The following NRXN1 variants were observed in gnomAD, a reference collection of about 807,000 sequenced individuals.
NRXN1 encodes the protein neurexin-1.
In NRXN1, 39 loss-of-function variants were observed where a neutral mutation model predicts 150.9. That is an observed-to-expected ratio of 0.26 (90% CI 0.20 to 0.34). The LOEUF is 0.34. NRXN1 is among the 10% of genes least tolerant of loss of function. NRXN1 has a pLI of 1.00. For synonymous variants in NRXN1, 924 were observed against 757.0 expected (o/e 1.22, Z -3.62); for missense variants, 1,815 against 1,949.9 (o/e 0.93, Z 1.30).
At chr2:50,568,583 G>A (rs1361183951) in intron 8 of NRXN1, among the ~76,000 whole-genome samples, 2 of 152,062 alleles carry the variant, frequency 1.3e-5, no homozygotes, top group Admixed American at 1.3e-4. Context: ...AATCAAAACT[G>A]CAATGAGATA....
At chr2:50,866,391 T>C (rs187733535) in intron 5 of NRXN1, among the ~76,000 whole-genome samples, 1 of 152,076 alleles carries the variant, frequency 6.6e-6, no homozygotes, top group African/African-American at 2.4e-5. Flanking sequence ...AATTGATTAA[T>C]TGTTATTATC....
At chr2:50,505,311 G>A (rs534544660) in intron 13 of NRXN1, among the ~76,000 whole-genome samples, 118 of 152,232 alleles carry the variant, frequency 7.8e-4, no homozygotes, top group African/African-American at 2.8e-3. Context: ...TCCTCTTCGA[G>A]TGCCACTTAC....
chr2:50,785,538 G>A lies in NRXN1; in HGVS notation c.832+136331C>T, dbSNP rs534953713. On this transcript the variant is annotated intron_variant, in intron 5 of 22. Transcript: ENST00000401669. ...GCTGGGATTACAGGCATGAGCCACCGTGCCCAGCCCCACACTTCTGTATTT... is the reference window on the plus strand; with the variant it reads ...GCTGGGATTACAGGCATGAGCCACCATGCCCAGCCCCACACTTCTGTATTT... 9.9e-5 allele frequency among the ~76,000 whole-genome samples: 15 copies of A among 152,148 alleles called. No homozygotes were observed. In the South Asian group the frequency reaches 1.5e-3, roughly 15 times the overall value.
At chr2:49,964,319 G>A (rs548773875) in intron 21 of NRXN1, among the ~76,000 whole-genome samples, 12 of 152,130 alleles carry the variant, frequency 7.9e-5, no homozygotes, top group South Asian at 2.1e-4. Flanking sequence ...GGTGGCTCAT[G>A]CTGTAATCCC....
chr2:50,123,190 G>T (rs539950265), intron 18 of NRXN1, among the ~76,000 whole-genome samples: 1 of 152,230 alleles, frequency 6.6e-6, no homozygotes, highest in South Asian at 2.1e-4. Context: ...TGGAGGAACA[G>T]AAAATAACTT....
chr2:50,704,791 A>C (rs180967640), intron 5 of NRXN1, among the ~76,000 whole-genome samples: 1 of 151,940 alleles, frequency 6.6e-6, no homozygotes, highest in South Asian at 2.1e-4. Flanking sequence ...GAAAGAAATA[A>C]GAAAATATTG....
At chr2:50,815,243 C>T (rs549994777) in intron 5 of NRXN1, among the ~76,000 whole-genome samples, 13 of 152,150 alleles carry the variant, frequency 8.5e-5, no homozygotes, top group South Asian at 2.1e-4. Context: ...AGACAGACAC[C>T]GATCTCCAGT....
chr2:50,284,363 TC>T (rs1306066525), intron 17 of NRXN1, among the ~76,000 whole-genome samples: 1 of 152,302 alleles, frequency 6.6e-6, no homozygotes, highest in East Asian at 1.9e-4. Flanking sequence ...CAAATGATGT[TC>T]CCCTATGGAG....
intron 17 of NRXN1, among the ~76,000 whole-genome samples, chr2:50,278,242 A>ATATATATATATTATATATAT (rs1558436711): frequency 5.4e-4 from 64 of 118,254 alleles, no homozygotes; most frequent in African/African-American, 2.0e-3. Context: ...TATATATATA[A>ATATATATATATTATATATAT]TATATATATA....
At chr2:50,215,766 G>C (rs556652732) in intron 18 of NRXN1, among the ~76,000 whole-genome samples, 1 of 152,124 alleles carries the variant, frequency 6.6e-6, no homozygotes, top group South Asian at 2.1e-4. Flanking sequence ...AGGAATTATT[G>C]TTAAATAGTC....
At chr2:49,970,912 G>A (rs2152495225) in intron 21 of NRXN1, among the ~76,000 whole-genome samples, 1 of 152,114 alleles carries the variant, frequency 6.6e-6, no homozygotes, top group Non-Finnish European at 1.5e-5. Flanking sequence ...GGAGGTAAAA[G>A]AGAAGACTAA....
intron 17 of NRXN1, among the ~76,000 whole-genome samples, chr2:50,267,467 A>G (rs2069032877): frequency 6.6e-6 from 1 of 152,192 alleles, no homozygotes; most frequent in Non-Finnish European, 1.5e-5. Flanking sequence ...TGAGCCATAA[A>G]CATCCTGAAG....
intron 21 of NRXN1, among the ~76,000 whole-genome samples, chr2:49,991,708 T>G (rs1681994366): frequency 6.6e-6 from 1 of 152,172 alleles, no homozygotes; most frequent in Non-Finnish European, 1.5e-5. Context: ...ATCAAAATCC[T>G]GGCAAGTTAT....
intron 8 of NRXN1, among the ~76,000 whole-genome samples, chr2:50,570,155 G>T (rs1197067313): frequency 6.6e-6 from 1 of 152,070 alleles, no homozygotes. Flanking sequence ...CAATATCAAA[G>T]CAGGAATGTC....
Position 50,604,354 on chromosome 2 carries a change from T to C in NRXN1, c.1320+15668A>G, listed in dbSNP as rs1477140703. Among the ~76,000 whole-genome samples, 4 of 152,212 alleles carry C rather than the reference T, an allele frequency of 2.6e-5. No individual in the cohort carries two copies. In the East Asian group the frequency reaches 7.7e-4, roughly 29 times the overall value. Reference sequence around the variant, plus strand: ...TGCAGTTTAATAAGCTCTCAGATGATGCTTATGCACAAAACTCTGAACCAC... The same window carrying C: ...TGCAGTTTAATAAGCTCTCAGATGACGCTTATGCACAAAACTCTGAACCAC... On this transcript the variant is annotated intron_variant, in intron 8 of 22. Coordinates refer to ENST00000401669, the MANE Select transcript of NRXN1 (RefSeq NM_001330078.2).
Position 50,860,551 on chromosome 2 carries a change from G to A in NRXN1, c.832+61318C>T, listed in dbSNP as rs181094974. Among the ~76,000 whole-genome samples the A allele has an allele frequency of 1.1e-3, 167 of 152,150 alleles. 1 individual carries two copies. The highest frequency in any genetic ancestry group is 3.5e-3 in the African/African-American group (146 of 41,540). The stretch of plus-strand genomic sequence containing the variant: ...AGGCACAGATCTGGAATTTGTATAG[G>A]GCATGTGGGCACTTGGGAAGAGGAC... On this transcript the variant is annotated intron_variant, in intron 5 of 22. Transcript: ENST00000401669.
chr2:50,178,023 A>T (rs938985758), intron 18 of NRXN1, among the ~76,000 whole-genome samples: 4 of 152,100 alleles, frequency 2.6e-5, no homozygotes, highest in Non-Finnish European at 5.9e-5. Context: ...TCAGTTTCTC[A>T]TATGTAAAAT....
chr2:50,552,517 A>C, intron 9 of NRXN1, 70 bp downstream of exon 9: 1 of 1,219,588 alleles, frequency 8.2e-7, no homozygotes, highest in Non-Finnish European at 1.2e-6. Context: ...CTTGGTTTTC[A>C]CTTTTAGGAA....
In NRXN1 at chr2:50,497,719, AAG is replaced by A. The variant is rs771367658; in HGVS notation, c.2498-7_2498-6del. The A allele has an allele frequency of 6.9e-6, 11 of 1,599,996 alleles. No homozygotes were observed. In the African/African-American group the frequency reaches 1.5e-4, roughly 22 times the overall value. ...TATGATCACCTGCCATTTGACCTAA[AAG>A]AGAAGATAATATATGATTATTTTCT... On this transcript the variant is annotated splice_polypyrimidine_tract_variant and splice_region_variant and intron_variant, in intron 13 of 22. Transcript: ENST00000401669.
Sources: allele counts gnomAD v4.1 joint callset (sites outside exome capture counted in the v4.1 genomes callset), GRCh38; gene constraint gnomAD v4.1.1; transcripts MANE v1.5; gene names NCBI Gene and HGNC (gene_info 2026-07-23, HGNC 2026-07-21).